The following PRR14L variants were observed in gnomAD, a reference collection of about 807,000 sequenced individuals.
PRR14L encodes protein PRR14L.
PRR14L carries 80 observed loss-of-function variants against 155.0 expected under a neutral mutation model. That is an observed-to-expected ratio of 0.52 (90% CI 0.43 to 0.62). PRR14L has a LOEUF of 0.62. Among genes scored for constraint, PRR14L ranks in the 20% least tolerant of loss-of-function variants. The pLI, the probability that PRR14L is intolerant of heterozygous loss-of-function variation, is 0.00. For missense variants in PRR14L, 2,469 were observed against 2,548.0 expected (o/e 0.97, Z 0.67); for synonymous variants, 883 against 916.0 (o/e 0.96, Z 0.65).
chr22:31,716,914 C>T lies in PRR14L; in HGVS notation c.925G>A (p.Asp309Asn). Residue 309 changes from aspartate to asparagine, a missense_variant, in exon 4 of 9, where the codon GAT becomes AAT. This residue lies in a region of PRR14L where 2,363 missense variants were observed against 2,371.6 expected (regional missense o/e 1.00). Coordinates refer to ENST00000327423, the MANE Select transcript of PRR14L (RefSeq NM_173566.3). ...CCATGAAGCTGTTGGTGATTGTCATCTGCTTCACAGACCAGGTTTGGTTTA... is the reference window on the plus strand; with the variant it reads ...CCATGAAGCTGTTGGTGATTGTCATTTGCTTCACAGACCAGGTTTGGTTTA... ...LCKPNLVCEA[D>N]DNHQQLHGHH... 1.3e-6 allele frequency: 2 copies of T among 1,552,072 alleles called. No homozygotes were observed. The highest frequency in any genetic ancestry group is 8.7e-7 in the Non-Finnish European group (1 of 1,147,072).
Position 31,714,746 on chromosome 22 carries a change from C to T in PRR14L, c.3093G>A (p.Lys1031=). The T allele has an allele frequency of 6.4e-7, 1 of 1,552,394 alleles. No individual in the cohort carries two copies. The highest frequency in any genetic ancestry group is 8.7e-7 in the Non-Finnish European group (1 of 1,147,150). Residue 1031 remains lysine, a synonymous_variant, in exon 4 of 9, where the codon AAG becomes AAA. Transcript: ENST00000327423. ...CAAAGGCTCCTTTCAAATTGCATTT[C>T]TTTGGACTACCACAAGGTAGTGAGT... ...SNNSLPCGSP[K]KCNLKGAFVK...
At chr22:31,723,241 T>C (rs1404583718) in intron 3 of PRR14L, among the ~76,000 whole-genome samples, 1 of 152,150 alleles carries the variant, frequency 6.6e-6, no homozygotes, top group African/African-American at 2.4e-5. Context: ...ATTTTACCAA[T>C]TTAAGTCATT....
chr22:31,693,835 AC>A (rs1404083443), intron 7 of PRR14L, among the ~76,000 whole-genome samples: 3 of 151,960 alleles, frequency 2.0e-5, no homozygotes, highest in African/African-American at 7.3e-5. Flanking sequence ...CCTGCTGTTA[AC>A]CCATTTATTA....
chr22:31,737,892 T>A (rs1473785648), intron 2 of PRR14L, among the ~76,000 whole-genome samples: 1 of 151,738 alleles, frequency 6.6e-6, no homozygotes, highest in African/African-American at 2.4e-5. Flanking sequence ...GCTTATACCA[T>A]AATCACAGCT....
At position 31,738,487 on chromosome 22, in the gene PRR14L, G is replaced by C; in HGVS notation, c.374C>G (p.Pro125Arg). ...ESMEPKVFRD[P>R]GGQAGIIREP... ...TCTTATAATTCCTGCCTGGCCCCCTGGATCTCTGAAGACCTTTGGCTCCAT... is the reference window on the plus strand; with the variant it reads ...TCTTATAATTCCTGCCTGGCCCCCTCGATCTCTGAAGACCTTTGGCTCCAT... The change falls in exon 2 of 9, where the codon CCA becomes CGA. Residue 125 changes from proline to arginine, a missense_variant. By Grantham distance (103) the Pro-to-Arg change is moderately radical. Around this residue, in one of 2 missense-constraint regions of PRR14L, gnomAD observed 2,363 missense variants for 2,371.6 expected, o/e 1.00. Coordinates refer to ENST00000327423, the MANE Select transcript of PRR14L (RefSeq NM_173566.3). 2 of 1,552,050 alleles carry C rather than the reference G, an allele frequency of 1.3e-6. No homozygotes were observed. Among genetic ancestry groups the C allele is most frequent in the Non-Finnish European group, 1.7e-6 (2 of 1,147,094 alleles).
chr22:31,685,258 G>T lies in PRR14L; in HGVS notation c.*269C>A. 1 of 354,042 alleles carries T rather than the reference G, an allele frequency of 2.8e-6. No homozygotes were observed. Among genetic ancestry groups the T allele is most frequent in the Non-Finnish European group, 5.1e-6 (1 of 195,224 alleles). The allele number at this position is 354,042 out of a possible 1,614,324, so 21.9% of individuals were successfully genotyped here. A position where few individuals can be genotyped will look rare whatever the true frequency, so the allele number is the denominator to read the frequency against. On this transcript the variant is annotated 3_prime_UTR_variant, in exon 9 of 9. Coordinates refer to ENST00000327423, the MANE Select transcript of PRR14L (RefSeq NM_173566.3). Reference sequence around the variant, plus strand: ...ATGGCAGAGACTGAGGAGGTGGCTGGATGTCGTTCAGGTCCATTTCCAGGA... The same window carrying T: ...ATGGCAGAGACTGAGGAGGTGGCTGTATGTCGTTCAGGTCCATTTCCAGGA...
Position 31,715,891 on chromosome 22 carries a change from A to G in PRR14L, c.1948T>C (p.Cys650Arg). The change falls in exon 4 of 9, where the codon TGT becomes CGT. Residue 650 changes from cysteine to arginine, a missense_variant. Around this residue, in one of 2 missense-constraint regions of PRR14L, gnomAD observed 2,363 missense variants for 2,371.6 expected, o/e 1.00. Coordinates refer to ENST00000327423, the MANE Select transcript of PRR14L (RefSeq NM_173566.3). ...AGGGACACTTGTTGATTTAAAACACATTCACTTTCTACTTTGTTTACAACC... is the reference window on the plus strand; with the variant it reads ...AGGGACACTTGTTGATTTAAAACACGTTCACTTTCTACTTTGTTTACAACC... ...ELVVNKVESE[C>R]VLNQQVSLNS... 6.4e-7 allele frequency: 1 copy of G among 1,551,666 alleles called. No homozygotes were observed. Among genetic ancestry groups the G allele is most frequent in the Non-Finnish European group, 8.7e-7 (1 of 1,146,900 alleles).
In PRR14L at chr22:31,715,587, G is replaced by T; in HGVS notation, c.2252C>A (p.Thr751Lys). 1 of 1,552,032 alleles carries T rather than the reference G, an allele frequency of 6.4e-7. No individual in the cohort carries two copies. The highest frequency in any genetic ancestry group is 1.2e-5 in the South Asian group (1 of 84,068). ...GCGCAGCCTGGAATGTAGAGCTTTT[G>T]TTCCTGAATCAGCCATTTCCTTTTT... Reference protein sequence around the residue: ...ERKKEMADSGTKALHSRLRSN... With the variant: ...ERKKEMADSGKKALHSRLRSN... Residue 751 changes from threonine (T) to lysine (K), a missense_variant, in exon 4 of 9, where the codon ACA becomes AAA. Physicochemically the swap from Thr to Lys is moderately conservative, Grantham distance 78. Coordinates refer to ENST00000327423, the MANE Select transcript of PRR14L (RefSeq NM_173566.3).
Position 31,743,224 on chromosome 22 carries a change from C to G in PRR14L, c.-51-4313G>C, listed in dbSNP as rs187588118. ...GGCTGAGGCAGGAGAATCACTTGAA[C>G]CTGGGAGGCAGAGGGTGCAGTGAGC... On this transcript the variant is annotated intron_variant, in intron 1 of 8. Transcript: ENST00000327423. Among the ~76,000 whole-genome samples the G allele has an allele frequency of 2.5e-3, 374 of 152,070 alleles. 3 individuals carry two copies. The highest frequency in any genetic ancestry group is 8.6e-3 in the African/African-American group (358 of 41,478).
At chr22:31,726,905 T>A (rs1474133545) in intron 2 of PRR14L, among the ~76,000 whole-genome samples, 1 of 151,334 alleles carries the variant, frequency 6.6e-6, no homozygotes, top group Admixed American at 6.9e-5. Flanking sequence ...CTGTTATCCA[T>A]CCCGTTCTGT....
At chr22:31,708,592 G>T (rs559331015) in intron 4 of PRR14L, among the ~76,000 whole-genome samples, 1 of 151,864 alleles carries the variant, frequency 6.6e-6, no homozygotes, top group East Asian at 1.9e-4. Flanking sequence ...CTCCCAAAGC[G>T]CTGGGAATAC....
chr22:31,727,869 C>A (rs1231917929), intron 2 of PRR14L, among the ~76,000 whole-genome samples: 1 of 151,666 alleles, frequency 6.6e-6, no homozygotes, highest in Non-Finnish European at 1.5e-5. Flanking sequence ...GTAATCCCAG[C>A]TACTAGGGGT....
intron 7 of PRR14L, among the ~76,000 whole-genome samples, chr22:31,689,573 G>GT (rs901022659): frequency 6.0e-5 from 9 of 151,122 alleles, no homozygotes; most frequent in East Asian, 3.9e-4. Flanking sequence ...ATCAAGACCA[G>GT]TTTTTTTTTG....
chr22:31,704,246 T>C (rs1364018469), intron 5 of PRR14L, among the ~76,000 whole-genome samples: 2 of 152,194 alleles, frequency 1.3e-5, no homozygotes, highest in African/African-American at 4.8e-5. Context: ...TTTATTGCTA[T>C]GGAATTTTAT....
In PRR14L at chr22:31,715,607, C is replaced by T. The variant is rs907570576; in HGVS notation, c.2232G>A (p.Lys744=). Reference sequence around the variant, plus strand: ...CTTTTGTTCCTGAATCAGCCATTTCCTTTTTTCTCTCTAGGCTTACTGGTT... The same window carrying T: ...CTTTTGTTCCTGAATCAGCCATTTCTTTTTTTCTCTCTAGGCTTACTGGTT... ...NIKPVSLERK[K]EMADSGTKAL... The change falls in exon 4 of 9, where the codon AAG becomes AAA. Residue 744 remains lysine, a synonymous_variant. Transcript: ENST00000327423. The T allele has an allele frequency of 6.4e-5, 99 of 1,551,888 alleles. No homozygotes were observed. The highest frequency in any genetic ancestry group is 8.5e-5 in the Non-Finnish European group (97 of 1,147,074).
intron 7 of PRR14L, among the ~76,000 whole-genome samples, chr22:31,690,895 C>T (rs2147852481): frequency 6.6e-6 from 1 of 152,090 alleles, no homozygotes; most frequent in South Asian, 2.1e-4. Context: ...CCACCTTGGC[C>T]TCCCAAAGTG....
chr22:31,725,985 TGA>T (rs1460387643), intron 2 of PRR14L, among the ~76,000 whole-genome samples: 1 of 151,938 alleles, frequency 6.6e-6, no homozygotes, highest in African/African-American at 2.4e-5. Flanking sequence ...TAGTTATTTT[TGA>T]GAGACTTCTT....
chr22:31,704,605 GCACACACA>G lies in PRR14L; in HGVS notation c.5828+42_5828+49del. The G allele has an allele frequency of 2.0e-6, 3 of 1,469,408 alleles. No homozygotes were observed. The East Asian group carries it at 6.8e-5, about 34-fold the overall frequency. The allele number at this position is 1,469,408 out of a possible 1,614,324, so 91.0% of individuals were successfully genotyped here. The stretch of plus-strand genomic sequence containing the variant: ...CACCTATGTATGCACTCTCTCTCTT[GCACACACA>G]CACGCACACGCGCACACACACGCTG... On this transcript the variant is annotated intron_variant, in intron 5 of 8. Coordinates refer to ENST00000327423, the MANE Select transcript of PRR14L (RefSeq NM_173566.3).
At position 31,714,963 on chromosome 22, in the gene PRR14L, A is replaced by T. The variant is rs2074647479; in HGVS notation, c.2876T>A (p.Val959Asp). ...MFSSFKNVKS[V>D]ETLDQKADEV... ...ATCTGCCTTCTGATCGAGTGTTTCA[A>T]CTGATTTTACATTTTTAAAACTGGA... The change falls in exon 4 of 9, where the codon GTT becomes GAT. Residue 959 changes from valine (V) to aspartate (D), a missense_variant. By Grantham distance (152) the Val-to-Asp change is radical. Around this residue, in one of 2 missense-constraint regions of PRR14L, gnomAD observed 2,363 missense variants for 2,371.6 expected, o/e 1.00. Coordinates refer to ENST00000327423, the MANE Select transcript of PRR14L (RefSeq NM_173566.3). 3 of 1,551,926 alleles carry T rather than the reference A, an allele frequency of 1.9e-6. No homozygotes were observed. Among genetic ancestry groups the T allele is most frequent in the Non-Finnish European group, 2.6e-6 (3 of 1,147,058 alleles).
Sources: gnomAD v4.1 joint callset for allele counts (sites outside exome capture counted in the v4.1 genomes callset) on GRCh38, gnomAD v4.1.1 for gene constraint, gnomAD v4.1.1 regional missense constraint, MANE v1.5 for transcripts, NCBI Gene and HGNC (gene_info 2026-07-23, HGNC 2026-07-21) for gene names.